The following ATP2A3 variants were observed in gnomAD, a reference collection of about 807,000 sequenced individuals.
ATP2A3 encodes the protein sarcoplasmic/endoplasmic reticulum calcium ATPase 3.
ATP2A3 carries 61 observed loss-of-function variants against 106.8 expected under a neutral mutation model. The observed-to-expected ratio is 0.57, with a 90% CI of 0.46 to 0.71. The LOEUF (loss-of-function observed/expected upper bound fraction) is 0.71, where lower values mean the gene tolerates loss of function less well. ATP2A3 is among the 30% of genes least tolerant of loss of function. The pLI is 0.00. For synonymous variants in ATP2A3, 611 were observed against 609.3 expected, an observed-to-expected ratio of 1.00 and a Z score of -0.04; for missense variants, 1,201 against 1,423.5, an observed-to-expected ratio of 0.84 and a Z score of 2.52.
Position 3,928,109 on chromosome 17 carries a change from G to A in ATP2A3, c.2980+554C>T. The A allele has an allele frequency of 6.2e-7, 1 of 1,605,594 alleles. No homozygotes were observed. The highest frequency in any genetic ancestry group is 8.5e-7 in the Non-Finnish European group (1 of 1,172,626). On this transcript the variant is annotated intron_variant, in intron 20 of 20. Coordinates refer to ENST00000397041, the MANE Select transcript of ATP2A3 (RefSeq NM_005173.4). The surrounding 1 kb of genome is among the most constrained non-coding windows in gnomAD (Gnocchi z 6.1). ...GCAGGTGGATGGACCCCATGTCCCA[G>A]CCCACTTCTCTCCAGCCCGACACCT...
chr17:3,961,902 C>A (rs772469285), intron 1 of ATP2A3, among the ~76,000 whole-genome samples: 1 of 152,144 alleles, frequency 6.6e-6, no homozygotes, highest in Non-Finnish European at 1.5e-5. Flanking sequence ...TATGAAGGGG[C>A]AGGGCTAGGG....
At position 3,930,138 on chromosome 17, in the gene ATP2A3, A is replaced by G. The variant is rs1373483171; in HGVS notation, c.2744+163T>C. Among the ~76,000 whole-genome samples the G allele has an allele frequency of 6.9e-6, 1 of 145,192 alleles. No individual in the cohort carries two copies. The highest frequency in any genetic ancestry group is 1.5e-5 in the Non-Finnish European group (1 of 66,896). On this transcript the variant is annotated intron_variant, in intron 18 of 20. Transcript: ENST00000397041. The surrounding 1 kb of genome is among the most constrained non-coding windows in gnomAD (Gnocchi z 5.4). ...AATCCTGGACCCCTGACCCTCAGAC[A>G]CTGATACTGGAACCCCCAGCCCTCA...
intron 17 of ATP2A3, among the ~76,000 whole-genome samples, chr17:3,934,520 T>C (rs1305892520): frequency 9.2e-6 from 1 of 108,864 alleles, no homozygotes. Flanking sequence ...CTCCCCTCGA[T>C]TCTTTTTTTT....
At chr17:3,958,246 A>G (rs955096362) in intron 1 of ATP2A3, among the ~76,000 whole-genome samples, 13 of 152,250 alleles carry the variant, frequency 8.5e-5, no homozygotes, top group African/African-American at 3.1e-4. Context: ...AACGGCATGC[A>G]TAAAGCACTT....
At chr17:3,964,122 C>T (rs1276124540) in intron 1 of ATP2A3, 52 bp downstream of exon 1, 6 of 1,010,866 alleles carry the variant, frequency 5.9e-6, no homozygotes, top group Non-Finnish European at 7.3e-6. Flanking sequence ...GAAACTGAGA[C>T]TGCGGCGCGC....
chr17:3,940,302 C>T (rs1395941396), intron 14 of ATP2A3, among the ~76,000 whole-genome samples: 4 of 152,008 alleles, frequency 2.6e-5, no homozygotes, highest in Non-Finnish European at 5.9e-5. Flanking sequence ...AACAACATTG[C>T]TCTCTGGTTA....
intron 14 of ATP2A3, among the ~76,000 whole-genome samples, chr17:3,937,946 G>A (rs1283774619): frequency 1.3e-5 from 2 of 152,248 alleles, no homozygotes; most frequent in Admixed American, 1.3e-4. Context: ...GTTGGATGTG[G>A]GGTAGAAGAT....
At chr17:3,933,573 T>TA (rs1316869878) in intron 17 of ATP2A3, among the ~76,000 whole-genome samples, 1 of 150,188 alleles carries the variant, frequency 6.7e-6, no homozygotes, top group Non-Finnish European at 1.5e-5. Context: ...CTGTCTCTAC[T>TA]AAAATACAAA....
intron 17 of ATP2A3, chr17:3,934,937 CAT>C (rs1200920891): frequency 1.9e-6 from 1 of 522,750 alleles, no homozygotes; most frequent in Non-Finnish European, 3.5e-6. Flanking sequence ...AGGTAAGATA[CAT>C]CTGGCAGTGA....
chr17:3,950,856 G>C, intron 5 of ATP2A3, 83 bp from the exon 6 acceptor site: 1 of 1,358,724 alleles, frequency 7.4e-7, no homozygotes, highest in Non-Finnish European at 1.0e-6. Context: ...AGAACCCAAG[G>C]CTGGGGCTGG....
Position 3,925,380 on chromosome 17 carries a change from A to C in ATP2A3, c.*42T>G, listed in dbSNP as rs762244126. 1 of 1,613,870 alleles carries C rather than the reference A, an allele frequency of 6.2e-7. No homozygotes were observed. Among genetic ancestry groups the C allele is most frequent in the Non-Finnish European group, 8.5e-7 (1 of 1,179,914 alleles). ...CGGAGGCGAACACATGGGCACCATC[A>C]GTCTGAGGTACACACCGGAGACTCC... On this transcript the variant is annotated 3_prime_UTR_variant, in exon 21 of 21. Transcript: ENST00000397041. This position sits in a 1 kb window ranked among gnomAD's most constrained non-coding sequence, Gnocchi z 4.2.
At chr17:3,935,303 G>A in intron 16 of ATP2A3, 26 bp from the exon 17 acceptor site, 2 of 1,603,292 alleles carry the variant, frequency 1.2e-6, no homozygotes, top group Non-Finnish European at 1.7e-6. Flanking sequence ...GAGACCGGCT[G>A]TAGAGAATGG....
At chr17:3,938,325 A>G (rs1200966060) in intron 14 of ATP2A3, among the ~76,000 whole-genome samples, 5 of 151,980 alleles carry the variant, frequency 3.3e-5, no homozygotes, top group Non-Finnish European at 5.9e-5. Context: ...TCTCAGCTAC[A>G]TGGGAGGCTG....
intron 9 of ATP2A3, 95 bp from the exon 10 acceptor site, chr17:3,944,901 TG>T (rs1379234532): frequency 1.4e-5 from 19 of 1,345,684 alleles, no homozygotes; most frequent in Non-Finnish European, 1.8e-5. Flanking sequence ...CTCCGCCTCT[TG>T]GCCCCGCCCC....
Position 3,934,732 on chromosome 17 carries a change from C to T in ATP2A3, c.2610+460G>A, listed in dbSNP as rs116956761. ...AGAGACGGGGTTTCACCTCGTTGGACGGCTGGTCTCGAACTCCTGACCTCA... is the reference window on the plus strand; with the variant it reads ...AGAGACGGGGTTTCACCTCGTTGGATGGCTGGTCTCGAACTCCTGACCTCA... On this transcript the variant is annotated intron_variant, in intron 17 of 20. Transcript: ENST00000397041. 3.7e-3 allele frequency among the ~76,000 whole-genome samples: 559 copies of T among 150,994 alleles called. 13 individuals carry two copies. In the East Asian group the frequency reaches 0.056, roughly 15 times the overall value.
chr17:3,947,764 G>A lies in ATP2A3; in HGVS notation c.722C>T (p.Ala241Val), dbSNP rs761939421. The A allele has an allele frequency of 3.1e-6, 5 of 1,604,560 alleles. No individual in the cohort carries two copies. Residue 241 changes from alanine (A) to valine (V), a missense_variant, in exon 8 of 21, where the codon GCA (alanine) becomes GTA (valine). Physicochemically the swap from Ala to Val is moderately conservative, Grantham distance 64 (BLOSUM62 0). This residue lies in a region of ATP2A3 where 935 missense variants were observed against 1,176.7 expected (regional missense o/e 0.79). Coordinates refer to ENST00000397041, the MANE Select transcript of ATP2A3 (RefSeq NM_005173.4). The surrounding 1 kb of genome is among the most constrained non-coding windows in gnomAD (Gnocchi z 7.7). ...CAGCGGCGTCCGCTCGGGCTCGACT[G>A]CCGCCATCTGGCTCCGGATCTTGCC... The part of the protein sequence containing the change: ...ELGKIRSQMA[A>V]VEPERTPLQR...
Position 3,948,259 on chromosome 17 carries a change from T to TA in ATP2A3, c.631-405dup, listed in dbSNP as rs560423304. ...CAATAAACAGTCCATTAATATTTAC[T>TA]AAAAAATCCAGAAAACCTGAGCCTC... On this transcript the variant is annotated intron_variant, in intron 7 of 20. Transcript: ENST00000397041. Among the ~76,000 whole-genome samples, 9 of 152,330 alleles carry TA rather than the reference T, an allele frequency of 5.9e-5. No individual in the cohort carries two copies. In the South Asian group the frequency reaches 1.9e-3, roughly 32 times the overall value.
chr17:3,933,795 G>A (rs1243242445), intron 17 of ATP2A3, among the ~76,000 whole-genome samples: 2 of 151,580 alleles, frequency 1.3e-5, no homozygotes, highest in Non-Finnish European at 2.9e-5. Context: ...ACAGGCACAT[G>A]GGGAAGCCCT....
rs1597553165 is a variant in ATP2A3, at chr17:3,926,159, G to A, written c.2981-718C>T. Among the ~76,000 whole-genome samples the A allele has an allele frequency of 6.6e-6, 1 of 152,140 alleles. No individual in the cohort carries two copies. The highest frequency in any genetic ancestry group is 1.5e-5 in the Non-Finnish European group (1 of 68,030). On this transcript the variant is annotated intron_variant, in intron 20 of 20. Coordinates refer to ENST00000397041, the MANE Select transcript of ATP2A3 (RefSeq NM_005173.4). This position sits in a 1 kb window ranked among gnomAD's most constrained non-coding sequence, Gnocchi z 4.6. Reference sequence around the variant, plus strand: ...ACCCAGGATCCAGAATTCTCCCCAGGACACATCCCTCGTAAATGACATAAA... The same window carrying A: ...ACCCAGGATCCAGAATTCTCCCCAGAACACATCCCTCGTAAATGACATAAA...
Sources: gnomAD v4.1 joint callset for allele counts (sites outside exome capture counted in the v4.1 genomes callset) on GRCh38, gnomAD v4.1.1 for gene constraint, gnomAD v4.1.1 regional missense constraint, Gnocchi (gnomAD v3.1) non-coding constraint, MANE v1.5 for transcripts, NCBI Gene and HGNC (gene_info 2026-07-23, HGNC 2026-07-21) for gene names.